TP53I3: variants seen among roughly 807,000 people sequenced by gnomAD.
The protein encoded by TP53I3 is tumor protein p53 inducible protein 3.
TP53I3 carries 32 observed loss-of-function variants against 27.7 expected under a neutral mutation model. That is an observed-to-expected ratio of 1.16 (90% confidence interval 0.87 to 1.55). The LOEUF (loss-of-function observed/expected upper bound fraction) is 1.55. TP53I3 is among the 40% of genes most tolerant of loss of function. TP53I3 has a pLI of 0.00. For missense variants in TP53I3, 372 were observed against 412.3 expected (o/e 0.90, Z 0.85); for synonymous variants, 138 against 167.8 (o/e 0.82, Z 1.37).
At chr2:24,078,068 GTACCCTCCC>G (rs1035157949) in intron 4 of TP53I3, among the ~76,000 whole-genome samples, 23 of 152,112 alleles carry the variant, frequency 1.5e-4, no homozygotes, top group African/African-American at 5.6e-4. Context: ...TCTGAGAGGG[GTACCCTCCC>G]CATACTAGGG....
At position 24,077,554 on chromosome 2, in the gene TP53I3, G is replaced by T. The variant is rs149890387; in HGVS notation, c.*25C>A. 27 of 1,594,826 alleles carry T rather than the reference G, an allele frequency of 1.7e-5. No individual in the cohort carries two copies. The highest frequency in any genetic ancestry group is 2.2e-5 in the Non-Finnish European group (26 of 1,171,516). ...TGCTCTGGAAAGGCCTGGGGTGGCCGCGTCCTGTCCTGCCCCATCCTCCTT... is the reference window on the plus strand; with the variant it reads ...TGCTCTGGAAAGGCCTGGGGTGGCCTCGTCCTGTCCTGCCCCATCCTCCTT... On this transcript the variant is annotated 3_prime_UTR_variant, in exon 5 of 5. Coordinates refer to ENST00000238721, the MANE Select transcript of TP53I3 (RefSeq NM_004881.5). The surrounding 1 kb of genome is among the most constrained non-coding windows in gnomAD (Gnocchi z 5.5).
chr2:24,082,888 C>T lies in TP53I3; in HGVS notation c.403G>A (p.Val135Met), dbSNP rs959212661. The change falls in exon 2 of 5, where the codon GTG (valine) becomes ATG (methionine). Residue 135 changes from valine to methionine, a missense_variant. Transcript: ENST00000238721. ...WLTAFQLLHL[V>M]GNVQAGDYVL... ...GTGAGCATGGAGGCCTCCTCACCCACAAGATGTAACAGCTGGAAGGCGGTG... is the reference window on the plus strand; with the variant it reads ...GTGAGCATGGAGGCCTCCTCACCCATAAGATGTAACAGCTGGAAGGCGGTG... 1.6e-5 allele frequency: 25 copies of T among 1,602,982 alleles called. No individual in the cohort carries two copies. Among genetic ancestry groups the T allele is most frequent in the Non-Finnish European group, 2.0e-5 (24 of 1,173,310 alleles).
In TP53I3 at chr2:24,084,085, T is replaced by G; in HGVS notation, c.138+104A>C. The stretch of plus-strand genomic sequence containing the variant: ...AGCCCCAGCGCAGCTGCCTGCTGGG[T>G]GTGGAGCGGTGCACGCCTTCACGTC... On this transcript the variant is annotated intron_variant, in intron 1 of 4. Coordinates refer to ENST00000238721, the MANE Select transcript of TP53I3 (RefSeq NM_004881.5). The surrounding 1 kb of genome is among the most constrained non-coding windows in gnomAD (Gnocchi z 8.4). 6.9e-7 allele frequency: 1 copy of G among 1,451,628 alleles called. No individual in the cohort carries two copies. Among genetic ancestry groups the G allele is most frequent in the Non-Finnish European group, 9.1e-7 (1 of 1,101,814 alleles). The allele number at this position is 1,451,628 out of a possible 1,614,324, so 89.9% of individuals were successfully genotyped here. A position where few individuals can be genotyped will look rare whatever the true frequency, so the allele number is the denominator to read the frequency against.
In TP53I3 at chr2:24,077,571, A is replaced by G. The variant is rs377058047; in HGVS notation, c.*8T>C. The stretch of plus-strand genomic sequence containing the variant: ...GGGTGGCCGCGTCCTGTCCTGCCCC[A>G]TCCTCCTTCACTGGGGCAGTTCCAG... On this transcript the variant is annotated 3_prime_UTR_variant, in exon 5 of 5. Transcript: ENST00000238721. This position sits in a 1 kb window ranked among gnomAD's most constrained non-coding sequence, Gnocchi z 5.5. 6.3e-7 allele frequency: 1 copy of G among 1,589,488 alleles called. No individual in the cohort carries two copies. Among genetic ancestry groups the G allele is most frequent in the East Asian group, 2.3e-5 (1 of 42,870 alleles).
At position 24,084,385 on chromosome 2, in the gene TP53I3, A is replaced by G. The variant is rs1007851994; in HGVS notation, c.-59T>C. 2.9e-5 allele frequency: 38 copies of G among 1,330,224 alleles called. No homozygotes were observed. Among genetic ancestry groups the G allele is most frequent in the African/African-American group, 2.0e-4 (13 of 66,070 alleles). 82.4% of individuals were successfully genotyped at this position (1,330,224 alleles called of 1,614,324 possible). On this transcript the variant is annotated 5_prime_UTR_variant, in exon 1 of 5. Coordinates refer to ENST00000238721, the MANE Select transcript of TP53I3 (RefSeq NM_004881.5). The surrounding 1 kb of genome is among the most constrained non-coding windows in gnomAD (Gnocchi z 8.4). ...ACAGGACAGGGCAGGGCAGGGCAGG[A>G]CAGGACAGGGCAGGGCAGGACAGGA...
Position 24,080,715 on chromosome 2 carries a change from A to G in TP53I3, c.619+104T>C. 7.2e-7 allele frequency: 1 copy of G among 1,397,892 alleles called. No individual in the cohort carries two copies. The highest frequency in any genetic ancestry group is 1.0e-6 in the Non-Finnish European group (1 of 998,726). 86.6% of individuals were successfully genotyped at this position (1,397,892 alleles called of 1,614,324 possible). ...TGGCCAGGGCAGCTGTTGTGCACTTAGCAGAGGTAAGACTGATACACAGCA... is the reference window on the plus strand; with the variant it reads ...TGGCCAGGGCAGCTGTTGTGCACTTGGCAGAGGTAAGACTGATACACAGCA... On this transcript the variant is annotated intron_variant, in intron 3 of 4. Coordinates refer to ENST00000238721, the MANE Select transcript of TP53I3 (RefSeq NM_004881.5). This position sits in a 1 kb window ranked among gnomAD's most constrained non-coding sequence, Gnocchi z 4.7.
chr2:24,084,566 A>T lies in TP53I3; in HGVS notation c.-240T>A, dbSNP rs1573725038. On this transcript the variant is annotated 5_prime_UTR_variant, in exon 1 of 5. Coordinates refer to ENST00000238721, the MANE Select transcript of TP53I3 (RefSeq NM_004881.5). This position sits in a 1 kb window ranked among gnomAD's most constrained non-coding sequence, Gnocchi z 8.4. ...GAAGTCCTCGGCCGCCTCCAGACCG[A>T]TCCCACCCGGAACACAGATGGGAAC... is the stretch of plus-strand genomic sequence containing the variant. 10 of 473,794 alleles carry T rather than the reference A, an allele frequency of 2.1e-5. No homozygotes were observed. In the South Asian group the frequency reaches 3.7e-4, roughly 17 times the overall value. 29.3% of individuals were successfully genotyped at this position (473,794 alleles called of 1,614,324 possible).
intron 4 of TP53I3, 47 bp downstream of exon 4, chr2:24,079,397 C>T: frequency 6.3e-7 from 1 of 1,594,292 alleles, no homozygotes; most frequent in African/African-American, 1.3e-5. Flanking sequence ...AAATGAACCA[C>T]ACTTTTCTGG....
In TP53I3 at chr2:24,080,186, G is replaced by A. The variant is rs576893314; in HGVS notation, c.620-546C>T. 2.0e-3 allele frequency among the ~76,000 whole-genome samples: 297 copies of A among 152,044 alleles called. No homozygotes were observed. Among genetic ancestry groups the A allele is most frequent in the Admixed American group, 3.4e-3 (52 of 15,272 alleles). On this transcript the variant is annotated intron_variant, in intron 3 of 4. Transcript: ENST00000238721. The surrounding 1 kb of genome is among the most constrained non-coding windows in gnomAD (Gnocchi z 4.7). ...AGCCTGGCCAACATAGTGAAAGCCCGTCTCTACTAAAAATACAAAAATTAG... is the reference window on the plus strand; with the variant it reads ...AGCCTGGCCAACATAGTGAAAGCCCATCTCTACTAAAAATACAAAAATTAG...
intron 1 of TP53I3, among the ~76,000 whole-genome samples, chr2:24,083,649 G>A (rs570574797): frequency 6.6e-6 from 1 of 152,276 alleles, no homozygotes; most frequent in South Asian, 2.1e-4. Flanking sequence ...GCACATTTCT[G>A]AATGACCCCA....
intron 2 of TP53I3, 136 bp downstream of exon 2, chr2:24,082,749 C>T: frequency 8.1e-7 from 1 of 1,236,318 alleles, no homozygotes; most frequent in African/African-American, 1.5e-5. Flanking sequence ...ACCCTTCTAA[C>T]ATGGTTTGAG....
chr2:24,083,678 G>A (rs886720056), intron 1 of TP53I3, among the ~76,000 whole-genome samples: 6 of 152,134 alleles, frequency 3.9e-5, no homozygotes, highest in African/African-American at 1.4e-4. Context: ...AGCTGGCCCA[G>A]GTCAGTAAAT....
In TP53I3 at chr2:24,080,647, T is replaced by A. The variant is rs1182689467; in HGVS notation, c.619+172A>T. On this transcript the variant is annotated intron_variant, in intron 3 of 4. Coordinates refer to ENST00000238721, the MANE Select transcript of TP53I3 (RefSeq NM_004881.5). The surrounding 1 kb of genome is among the most constrained non-coding windows in gnomAD (Gnocchi z 4.7). Reference sequence around the variant, plus strand: ...ATGGAAACCATCTTAGATTTAAATATGACTGCCTGTCTCCAGTGGTCAAAT... The same window carrying A: ...ATGGAAACCATCTTAGATTTAAATAAGACTGCCTGTCTCCAGTGGTCAAAT... 1 of 715,532 alleles carries A rather than the reference T, an allele frequency of 1.4e-6. No homozygotes were observed. The highest frequency in any genetic ancestry group is 2.5e-5 in the East Asian group (1 of 40,438). The allele number at this position is 715,532 out of a possible 1,614,324, so 44.3% of individuals were successfully genotyped here.
intron 2 of TP53I3, among the ~76,000 whole-genome samples, chr2:24,081,690 GTT>G (rs36028901): frequency 1.5e-3 from 209 of 137,350 alleles, no homozygotes; most frequent in African/African-American, 4.9e-3. Context: ...CCTTGATACT[GTT>G]TTTTTTTTTT....
At position 24,080,693 on chromosome 2, in the gene TP53I3, C is replaced by A; in HGVS notation, c.619+126G>T. On this transcript the variant is annotated intron_variant, in intron 3 of 4. Coordinates refer to ENST00000238721, the MANE Select transcript of TP53I3 (RefSeq NM_004881.5). The surrounding 1 kb of genome is among the most constrained non-coding windows in gnomAD (Gnocchi z 4.7). ...CAAATACCATAGTACTAGAATTTGG[C>A]CAGGGCAGCTGTTGTGCACTTAGCA... The A allele has an allele frequency of 1.8e-6, 2 of 1,132,700 alleles. No homozygotes were observed. Among genetic ancestry groups the A allele is most frequent in the Admixed American group, 2.0e-5 (1 of 49,454 alleles). 70.2% of individuals were successfully genotyped at this position (1,132,700 alleles called of 1,614,324 possible).
intron 2 of TP53I3, among the ~76,000 whole-genome samples, chr2:24,081,351 C>T (rs1003913573): frequency 6.6e-6 from 1 of 152,076 alleles, no homozygotes; most frequent in African/African-American, 2.4e-5. Context: ...TTACCTATAA[C>T]ACCAAAATGC....
chr2:24,077,454 C>CTCATA lies in TP53I3; in HGVS notation c.*120_*124dup. 8.5e-7 allele frequency: 1 copy of CTCATA among 1,173,980 alleles called. No homozygotes were observed. The highest frequency in any genetic ancestry group is 1.1e-6 in the Non-Finnish European group (1 of 873,342). The allele number at this position is 1,173,980 out of a possible 1,614,324, so 72.7% of individuals were successfully genotyped here. A position where few individuals can be genotyped will look rare whatever the true frequency, so the allele number is the denominator to read the frequency against. On this transcript the variant is annotated 3_prime_UTR_variant, in exon 5 of 5. Coordinates refer to ENST00000238721, the MANE Select transcript of TP53I3 (RefSeq NM_004881.5). This position sits in a 1 kb window ranked among gnomAD's most constrained non-coding sequence, Gnocchi z 5.5. Reference sequence around the variant, plus strand: ...ACCCTTCCAGTTCACTCTTTATTTCCTCATATCAGCTTTAAACGGCTCTGG... The same window carrying CTCATA: ...ACCCTTCCAGTTCACTCTTTATTTCCTCATATCATATCAGCTTTAAACGGCTCTGG...
intron 2 of TP53I3, among the ~76,000 whole-genome samples, chr2:24,081,254 G>A (rs796794615): frequency 3.3e-5 from 5 of 152,210 alleles, no homozygotes; most frequent in African/African-American, 9.6e-5. Flanking sequence ...GCATATTGAC[G>A]ACCTTTTCTG....
chr2:24,079,335 T>C (rs1364100886), intron 4 of TP53I3, 109 bp downstream of exon 4: 1 of 1,244,130 alleles, frequency 8.0e-7, no homozygotes, highest in African/African-American at 1.5e-5. Flanking sequence ...GGTTTCTTCA[T>C]AGAAACTAAC....
Sources: allele counts gnomAD v4.1 joint callset (sites outside exome capture counted in the v4.1 genomes callset), GRCh38; gene constraint gnomAD v4.1.1; non-coding constraint Gnocchi (gnomAD v3.1); transcripts MANE v1.5; gene names NCBI Gene and HGNC (gene_info 2026-07-23, HGNC 2026-07-21).